The following VRK2 variants were observed in gnomAD, a reference collection of about 807,000 sequenced individuals.
VRK2 encodes VRK serine/threonine kinase 2, also known as serine/threonine-protein kinase VRK2.
A neutral mutation model predicts 57.6 loss-of-function variants in VRK2; 60 were observed. That is an observed-to-expected ratio of 1.04 (90% CI 0.85 to 1.29). The LOEUF is 1.29. VRK2 is among the 50% of genes most tolerant of loss of function. VRK2 has a pLI of 0.00. For synonymous variants in VRK2, 231 were observed against 199.2 expected, an observed-to-expected ratio of 1.16 and a Z score of -1.35; for missense variants, 705 against 588.1, an observed-to-expected ratio of 1.20 and a Z score of -2.06.
chr2:58,100,138 C>A (rs112839941), intron 7 of VRK2, among the ~76,000 whole-genome samples: 1 of 152,002 alleles, frequency 6.6e-6, no homozygotes, highest in South Asian at 2.1e-4. Context: ...GGTCATAAGC[C>A]TCATTAAATC....
At chr2:58,008,755 G>C (rs528633352) in intron 1 of VRK2, among the ~76,000 whole-genome samples, 18 of 152,158 alleles carry the variant, frequency 1.2e-4, no homozygotes, top group South Asian at 8.3e-4. Flanking sequence ...GGTTATATCT[G>C]ATAAAGGAGG....
intron 8 of VRK2, among the ~76,000 whole-genome samples, chr2:58,129,661 CTG>C (rs769288216): frequency 1.2e-3 from 176 of 152,288 alleles, no homozygotes; most frequent in Non-Finnish European, 1.7e-3. Flanking sequence ...AATTACTCCT[CTG>C]TGTACAGTAG....
intron 2 of VRK2, among the ~76,000 whole-genome samples, chr2:58,053,474 G>A: frequency 6.6e-6 from 1 of 151,968 alleles, no homozygotes; most frequent in African/African-American, 2.4e-5. Flanking sequence ...TTGGCGGATA[G>A]GTTTTTAGAA....
intron 2 of VRK2, among the ~76,000 whole-genome samples, chr2:58,067,700 A>G (rs1668793886): frequency 6.6e-6 from 1 of 152,054 alleles, no homozygotes; most frequent in Non-Finnish European, 1.5e-5. Context: ...CTTGTGTATT[A>G]TATCTCCATT....
intron 1 of VRK2, among the ~76,000 whole-genome samples, chr2:57,945,934 C>T (rs192592464): frequency 6.6e-6 from 1 of 152,186 alleles, no homozygotes; most frequent in African/African-American, 2.4e-5. Flanking sequence ...AATAGTAGTT[C>T]TTAATATATT....
chr2:58,158,438 C>G (rs1684351216), intron 12 of VRK2, among the ~76,000 whole-genome samples: 1 of 152,024 alleles, frequency 6.6e-6, no homozygotes, highest in South Asian at 2.1e-4. Context: ...TCTGACACTT[C>G]CAAAACTCTG....
At chr2:57,992,540 T>G (rs1672798992) in intron 1 of VRK2, among the ~76,000 whole-genome samples, 1 of 152,178 alleles carries the variant, frequency 6.6e-6, no homozygotes, top group Admixed American at 6.5e-5. Flanking sequence ...TTGTTTCTTT[T>G]TTTTTTTGAG....
At chr2:57,993,888 A>T (rs747267043) in intron 1 of VRK2, among the ~76,000 whole-genome samples, 2 of 152,224 alleles carry the variant, frequency 1.3e-5, no homozygotes, top group African/African-American at 2.4e-5. Context: ...AGACAGGGGC[A>T]GGTTGGAGGG....
At chr2:58,080,765 CA>C (rs1200106664) in intron 2 of VRK2, among the ~76,000 whole-genome samples, 1 of 151,572 alleles carries the variant, frequency 6.6e-6, no homozygotes, top group Non-Finnish European at 1.5e-5. Context: ...CTTATAAATA[CA>C]TTTATATTTT....
intron 7 of VRK2, among the ~76,000 whole-genome samples, chr2:58,107,390 C>T (rs1181968038): frequency 6.6e-6 from 1 of 151,998 alleles, no homozygotes; most frequent in African/African-American, 2.4e-5. Flanking sequence ...CATTCAGTTT[C>T]AAGGTCTTCT....
chr2:58,155,802 G>A (rs1288959002), intron 12 of VRK2, among the ~76,000 whole-genome samples: 2 of 134,616 alleles, frequency 1.5e-5, no homozygotes, highest in African/African-American at 5.5e-5. Flanking sequence ...CTGGAGAGAA[G>A]TAAGGTACAG....
At chr2:58,085,397 G>A (rs538742905) in intron 4 of VRK2, among the ~76,000 whole-genome samples, 121 of 152,032 alleles carry the variant, frequency 8.0e-4, no homozygotes, top group Non-Finnish European at 1.5e-3. Flanking sequence ...TAAACTTTAA[G>A]ATGTTTAAGA....
intron 11 of VRK2, among the ~76,000 whole-genome samples, chr2:58,140,132 C>A (rs1314171408): frequency 6.6e-6 from 1 of 152,038 alleles, no homozygotes; most frequent in Admixed American, 6.6e-5. Context: ...CCATCATTTG[C>A]TTCTTTTCTC....
chr2:58,053,223 G>A (rs1172905827), intron 2 of VRK2, among the ~76,000 whole-genome samples: 1 of 152,182 alleles, frequency 6.6e-6, no homozygotes, highest in Non-Finnish European at 1.5e-5. Flanking sequence ...CTAAAAGAAT[G>A]TGCATGTGCT....
At chr2:58,143,556 A>G (rs981891730) in intron 11 of VRK2, among the ~76,000 whole-genome samples, 3 of 151,960 alleles carry the variant, frequency 2.0e-5, no homozygotes, top group African/African-American at 7.2e-5. Context: ...AGGAGGCATC[A>G]TCTCTTCCAG....
intron 7 of VRK2, among the ~76,000 whole-genome samples, chr2:58,096,735 G>C (rs1017370716): frequency 6.7e-6 from 1 of 150,334 alleles, no homozygotes; most frequent in Non-Finnish European, 1.5e-5. Context: ...TCTTTATCTT[G>C]TCTTCATATA....
intron 8 of VRK2, among the ~76,000 whole-genome samples, chr2:58,126,653 C>T (rs1157529316): frequency 1.3e-5 from 2 of 151,978 alleles, no homozygotes; most frequent in Non-Finnish European, 2.9e-5. Context: ...ACTCAATTCT[C>T]TTGTGTGACC....
rs186216412 is a variant in VRK2 at position 58,071,066 on chromosome 2, G to A, written c.137-13023G>A. ...TTGCAATTTCCTGGTTATATATGAT[G>A]TTAAGCATCTTTTCGTATGTTTATT... On this transcript the variant is annotated intron_variant, in intron 2 of 12. Transcript: ENST00000340157. Among the ~76,000 whole-genome samples the A allele has an allele frequency of 9.9e-4, 151 of 152,076 alleles. 1 individual carries two copies. Among genetic ancestry groups the A allele is most frequent in the African/African-American group, 3.6e-3 (148 of 41,498 alleles).
At chr2:57,992,813 G>T (rs1035558720) in intron 1 of VRK2, among the ~76,000 whole-genome samples, 2 of 152,184 alleles carry the variant, frequency 1.3e-5, no homozygotes, top group Non-Finnish European at 2.9e-5. Flanking sequence ...TGGGATTACA[G>T]GCGTGAGCCA....
Sources: gnomAD v4.1 joint callset for allele counts (sites outside exome capture counted in the v4.1 genomes callset) on GRCh38, gnomAD v4.1.1 for gene constraint, MANE v1.5 for transcripts, NCBI Gene and HGNC (gene_info 2026-07-23, HGNC 2026-07-21) for gene names.